The following ZMAT4 variants were observed in gnomAD, a reference collection of about 807,000 sequenced individuals.
ZMAT4 encodes zinc finger matrin-type 4, also known as zinc finger matrin-type protein 4.
A neutral mutation model predicts 28.7 loss-of-function variants in ZMAT4; 17 were observed. The observed-to-expected ratio is 0.59, with a 90% confidence interval of 0.41 to 0.89. The LOEUF (loss-of-function observed/expected upper bound fraction) is 0.89. Ranked by LOEUF, ZMAT4 falls within the 40% of genes least tolerant of loss-of-function variation. The pLI is 0.00. For missense variants in ZMAT4, 240 were observed against 283.8 expected, an observed-to-expected ratio of 0.85 and a Z score of 1.11; for synonymous variants, 117 against 109.2, an observed-to-expected ratio of 1.07 and a Z score of -0.44.
intron 5 of ZMAT4, among the ~76,000 whole-genome samples, chr8:40,582,657 T>A (rs1462208936): frequency 6.6e-6 from 1 of 152,224 alleles, no homozygotes; most frequent in African/African-American, 2.4e-5. Flanking sequence ...AAGAAAATAA[T>A]GCACTATGCT....
At chr8:40,779,142 A>G (rs4518647) in intron 2 of ZMAT4, among the ~76,000 whole-genome samples, 57,204 of 151,818 alleles carry the variant, frequency 0.38, 12,035 homozygotes, top group Non-Finnish European at 0.48. Context: ...TACTGTTCTC[A>G]TGGTAGTGAA....
At chr8:40,787,910 T>C (rs1197156377) in intron 2 of ZMAT4, among the ~76,000 whole-genome samples, 2 of 152,160 alleles carry the variant, frequency 1.3e-5, no homozygotes, top group African/African-American at 4.8e-5. Context: ...TGGCTGAGGG[T>C]AATTGAAACT....
At chr8:40,781,761 C>CA (rs59432510) in intron 2 of ZMAT4, among the ~76,000 whole-genome samples, 819 of 38,466 alleles carry the variant, frequency 0.021, 145 homozygotes, top group Admixed American at 0.058. Context: ...GACTCCGTCT[C>CA]AAAAAAAAAA....
At chr8:40,782,384 C>T (rs1046405568) in intron 2 of ZMAT4, among the ~76,000 whole-genome samples, 2 of 150,540 alleles carry the variant, frequency 1.3e-5, no homozygotes, top group East Asian at 1.9e-4. Context: ...GACTCCGTCT[C>T]GAAAACAAGC....
intron 5 of ZMAT4, among the ~76,000 whole-genome samples, chr8:40,596,567 G>T (rs891893389): frequency 5.9e-5 from 9 of 152,138 alleles, no homozygotes; most frequent in African/African-American, 2.2e-4. Context: ...ATGAGGTCAG[G>T]ATCATCAGGA....
chr8:40,741,333 G>C (rs1811993752), intron 3 of ZMAT4, among the ~76,000 whole-genome samples: 1 of 151,876 alleles, frequency 6.6e-6, no homozygotes, highest in Non-Finnish European at 1.5e-5. Context: ...TATAATCCAA[G>C]CTACTGGGGA....
intron 1 of ZMAT4, among the ~76,000 whole-genome samples, chr8:40,881,472 AAAG>A (rs1818236415): frequency 6.8e-6 from 1 of 147,980 alleles, no homozygotes; most frequent in Non-Finnish European, 1.5e-5. Context: ...AGAAAGAAAG[AAAG>A]AAAGAAAGAA....
In ZMAT4 at chr8:40,846,804, CAGG is replaced by C. The variant is rs570733918; in HGVS notation, c.-4-21127_-4-21125del. Among the ~76,000 whole-genome samples the C allele has an allele frequency of 5.3e-4, 80 of 152,268 alleles. 2 individuals are homozygous for C. The South Asian group carries it at 0.014, about 27-fold the overall frequency. ...TACCGTCCGTTCCAATGTTTAACGG[CAGG>C]AGGAGTTCAGGTAGGTCATCATTTT... On this transcript the variant is annotated intron_variant, in intron 1 of 6. Transcript: ENST00000297737.
At chr8:40,695,810 A>T (rs1490304168) in intron 4 of ZMAT4, among the ~76,000 whole-genome samples, 2 of 130,728 alleles carry the variant, frequency 1.5e-5, no homozygotes, top group Non-Finnish European at 3.1e-5. Context: ...TTTTGCAGAA[A>T]GAATAACTCT....
chr8:40,748,968 G>T (rs1474365090), intron 3 of ZMAT4, among the ~76,000 whole-genome samples: 1 of 152,080 alleles, frequency 6.6e-6, no homozygotes, highest in Non-Finnish European at 1.5e-5. Flanking sequence ...TTTCCCCAGT[G>T]CTGTTCTTGT....
chr8:40,856,506 G>A (rs1384272219), intron 1 of ZMAT4, among the ~76,000 whole-genome samples: 1 of 152,198 alleles, frequency 6.6e-6, no homozygotes. Context: ...TGTGAGAAAA[G>A]TAGCTTGAGG....
chr8:40,708,417 G>C (rs1240534201), intron 3 of ZMAT4, among the ~76,000 whole-genome samples: 6 of 152,160 alleles, frequency 3.9e-5, no homozygotes, highest in Non-Finnish European at 5.9e-5. Context: ...AGGAGAAACT[G>C]CTGAGAGTAG....
In ZMAT4 at chr8:40,648,994, G is replaced by C. The variant is rs371921339; in HGVS notation, c.577+25710C>G. 7.7e-4 allele frequency among the ~76,000 whole-genome samples: 112 copies of C among 144,522 alleles called. 1 individual carries two copies. In the East Asian group the frequency reaches 0.021, roughly 27 times the overall value. 94.8% of individuals were successfully genotyped at this position (144,522 alleles called of 152,430 possible). On this transcript the variant is annotated intron_variant, in intron 5 of 6. Coordinates refer to ENST00000297737, the MANE Select transcript of ZMAT4 (RefSeq NM_024645.3). ...CATGCCAAAATGTAAAGACCATCGA[G>C]ACTAGGAAGAAACTGCATCAACTAA... is the stretch of plus-strand genomic sequence containing the variant.
intron 5 of ZMAT4, among the ~76,000 whole-genome samples, chr8:40,613,181 T>TTTCC (rs139630752): frequency 1.5e-4 from 2 of 12,950 alleles, no homozygotes; most frequent in African/African-American, 2.7e-4. Context: ...ACTTTCTTTC[T>TTTCC]TTTTTTTTTT....
chr8:40,640,636 T>G (rs201076430), intron 5 of ZMAT4, among the ~76,000 whole-genome samples: 1 of 148,648 alleles, frequency 6.7e-6, no homozygotes. Context: ...GAAAAAAAGG[T>G]TTTTGTCAAC....
intron 1 of ZMAT4, among the ~76,000 whole-genome samples, chr8:40,871,040 C>T (rs976911627): frequency 7.9e-5 from 12 of 152,246 alleles, no homozygotes; most frequent in African/African-American, 2.2e-4. Context: ...AGTTGCTTGA[C>T]GAATGAGACC....
At chr8:40,886,965 A>G (rs1563267177) in intron 1 of ZMAT4, among the ~76,000 whole-genome samples, 2 of 152,150 alleles carry the variant, frequency 1.3e-5, no homozygotes, top group Middle Eastern at 6.8e-3. Context: ...AGGTCAGGAG[A>G]TCGAGACCAA....
At chr8:40,624,845 C>G (rs939708456) in intron 5 of ZMAT4, among the ~76,000 whole-genome samples, 1 of 152,210 alleles carries the variant, frequency 6.6e-6, no homozygotes, top group Non-Finnish European at 1.5e-5. Context: ...CTGATCCAGC[C>G]ACTGAGAATG....
chr8:40,655,199 TTAAGA>T (rs1221130328), intron 5 of ZMAT4, among the ~76,000 whole-genome samples: 1 of 151,916 alleles, frequency 6.6e-6, no homozygotes, highest in Non-Finnish European at 1.5e-5. Flanking sequence ...AAAAATAAAA[TTAAGA>T]TAACAATTCC....
Sources: gnomAD v4.1 joint callset for allele counts (sites outside exome capture counted in the v4.1 genomes callset) on GRCh38, gnomAD v4.1.1 for gene constraint, MANE v1.5 for transcripts, NCBI Gene and HGNC (gene_info 2026-07-23, HGNC 2026-07-21) for gene names.